The following FBXL14 variants were observed in gnomAD, a reference collection of about 807,000 sequenced individuals.
FBXL14 encodes F-box and leucine rich repeat protein 14.
In FBXL14, 11 loss-of-function variants were observed where a neutral mutation model predicts 24.5. The observed-to-expected ratio is 0.45, with a 90% CI of 0.28 to 0.74. The LOEUF (loss-of-function observed/expected upper bound fraction) is 0.74. Among genes scored for constraint, FBXL14 ranks in the 30% least tolerant of loss-of-function variants. The pLI is 0.12. For synonymous variants in FBXL14, 294 were observed against 240.4 expected (o/e 1.22, Z -2.06); for missense variants, 384 against 545.6 (o/e 0.70, Z 2.95).
At chr12:1,590,895 C>T (rs2094488110) in intron 1 of FBXL14, among the ~76,000 whole-genome samples, 1 of 152,150 alleles carries the variant, frequency 6.6e-6, no homozygotes, top group Admixed American at 6.6e-5. Flanking sequence ...ACAATGGCTT[C>T]AGTCCTTCCA....
At chr12:1,578,793 G>T (rs140767759) in intron 1 of FBXL14, among the ~76,000 whole-genome samples, 3 of 152,084 alleles carry the variant, frequency 2.0e-5, no homozygotes, top group Non-Finnish European at 4.4e-5. Flanking sequence ...CATGAGGGGC[G>T]GCTTCGGAGC....
chr12:1,570,472 C>A (rs949322223), intron 1 of FBXL14, among the ~76,000 whole-genome samples: 11 of 152,108 alleles, frequency 7.2e-5, no homozygotes, highest in African/African-American at 2.7e-4. Context: ...AAGGTGGGGT[C>A]TCGTGCCTGA....
At position 1,594,031 on chromosome 12, in the gene FBXL14, C is replaced by T. The variant is rs750926425; in HGVS notation, c.36G>A (p.Leu12=). ...ETHISCLFPE[L]LAMIFGYLDV... ...CCAGGTAGCCGAAGATCATGGCCAG[C>T]AGCTCCGGGAACAGGCATGAGATGT... The change falls in exon 1 of 2, where the codon CTG becomes CTA. Residue 12 remains leucine (L), a synonymous_variant. Coordinates refer to ENST00000339235, the MANE Select transcript of FBXL14 (RefSeq NM_152441.3). The T allele has an allele frequency of 7.1e-6, 11 of 1,560,016 alleles. No individual in the cohort carries two copies. In the Middle Eastern group the frequency reaches 5.1e-4, roughly 72 times the overall value.
chr12:1,589,911 T>C (rs2094485709), intron 1 of FBXL14, among the ~76,000 whole-genome samples: 1 of 152,244 alleles, frequency 6.6e-6, no homozygotes, highest in South Asian at 2.1e-4. Context: ...AAGAACGTGC[T>C]TCACGTTACA....
chr12:1,571,262 G>T (rs1289475783), intron 1 of FBXL14, among the ~76,000 whole-genome samples: 1 of 152,040 alleles, frequency 6.6e-6, no homozygotes, highest in Non-Finnish European at 1.5e-5. Context: ...AGGCTGGAGT[G>T]CAATGGCATG....
intron 1 of FBXL14, among the ~76,000 whole-genome samples, chr12:1,588,703 A>G (rs2094481891): frequency 2.6e-5 from 4 of 152,150 alleles, no homozygotes; most frequent in Admixed American, 2.0e-4. Flanking sequence ...TTACTTCTAG[A>G]TGATAAGGTT....
At chr12:1,578,681 G>T (rs185683905) in intron 1 of FBXL14, among the ~76,000 whole-genome samples, 1 of 152,056 alleles carries the variant, frequency 6.6e-6, no homozygotes. Flanking sequence ...AACATGGTAT[G>T]TTAAAAGCGC....
Position 1,569,547 on chromosome 12 carries a change from C to T in FBXL14, c.1195-2737G>A, listed in dbSNP as rs1452220817. Among the ~76,000 whole-genome samples the T allele has an allele frequency of 6.6e-6, 1 of 152,086 alleles. No homozygotes were observed. Among genetic ancestry groups the T allele is most frequent in the Non-Finnish European group, 1.5e-5 (1 of 67,992 alleles). On this transcript the variant is annotated intron_variant, in intron 1 of 1. Transcript: ENST00000339235. The surrounding 1 kb of genome is among the most constrained non-coding windows in gnomAD (Gnocchi z 4.2). ...TCCTGAGTAGCTGGGATTACAGGCG[C>T]CCGCCACCACGCCCGGCTAATTTTT...
intron 1 of FBXL14, among the ~76,000 whole-genome samples, chr12:1,573,377 C>G (rs377183811): frequency 1.3e-5 from 2 of 152,216 alleles, no homozygotes; most frequent in South Asian, 4.1e-4. Context: ...GAACTAAGGT[C>G]TGTTCTTTGC....
In FBXL14 at chr12:1,579,997, A is replaced by C. The variant is rs184046757; in HGVS notation, c.1194+12876T>G. Among the ~76,000 whole-genome samples the C allele has an allele frequency of 1.3e-5, 2 of 152,374 alleles. No individual in the cohort carries two copies. Among genetic ancestry groups the C allele is most frequent in the Non-Finnish European group, 2.9e-5 (2 of 68,032 alleles). ...ACAGGGAAGACAAACCAGCTTCCAT[A>C]GTGTACATTCTTAAAGGAAGGTTCC... On this transcript the variant is annotated intron_variant, in intron 1 of 1. Transcript: ENST00000339235. This position sits in a 1 kb window ranked among gnomAD's most constrained non-coding sequence, Gnocchi z 4.3.
chr12:1,572,888 A>G (rs2094447840), intron 1 of FBXL14, among the ~76,000 whole-genome samples: 2 of 152,198 alleles, frequency 1.3e-5, no homozygotes, highest in African/African-American at 4.8e-5. Flanking sequence ...GTCAGAATCC[A>G]GAAGGCGGAA....
rs977426151 is a variant in FBXL14 at position 1,566,089 on chromosome 12, G to A, written c.*659C>T. 5 of 152,614 alleles carry A rather than the reference G, an allele frequency of 3.3e-5. No homozygotes were observed. Among genetic ancestry groups the A allele is most frequent in the African/African-American group, 1.2e-4 (5 of 41,444 alleles). The allele number at this position is 152,614 out of a possible 1,614,324, so 9.5% of individuals were successfully genotyped here. The stretch of plus-strand genomic sequence containing the variant: ...AAATGCATCTGTGGAATGTAGAGTG[G>A]ATTTCTTTCACATATGGGCACTCAG... On this transcript the variant is annotated 3_prime_UTR_variant, in exon 2 of 2. Transcript: ENST00000339235.
chr12:1,566,289 T>C lies in FBXL14; in HGVS notation c.*459A>G, dbSNP rs1166466371. ...TTCCTTGTGTGTCCAGCTATCACTA[T>C]GTAATGATATTTTACGTTCTCAGTA... On this transcript the variant is annotated 3_prime_UTR_variant, in exon 2 of 2. Transcript: ENST00000339235. The C allele has an allele frequency of 6.6e-6, 1 of 152,542 alleles. No individual in the cohort carries two copies. The highest frequency in any genetic ancestry group is 1.5e-5 in the Non-Finnish European group (1 of 68,162). 9.4% of individuals were successfully genotyped at this position (152,542 alleles called of 1,614,324 possible).
At chr12:1,572,086 G>A (rs1264758630) in intron 1 of FBXL14, among the ~76,000 whole-genome samples, 2 of 152,214 alleles carry the variant, frequency 1.3e-5, no homozygotes, top group Non-Finnish European at 1.5e-5. Flanking sequence ...AAGAGAAGTG[G>A]CAGTCACGTT....
At chr12:1,586,635 C>T (rs2094477211) in intron 1 of FBXL14, among the ~76,000 whole-genome samples, 1 of 152,242 alleles carries the variant, frequency 6.6e-6, no homozygotes, top group Non-Finnish European at 1.5e-5. Flanking sequence ...AGGTTCTCCT[C>T]TAATTACCTA....
rs767523165 is a variant in FBXL14 at position 1,593,135 on chromosome 12, G to A, written c.932C>T (p.Ser311Phe). 1.2e-6 allele frequency: 2 copies of A among 1,613,742 alleles called. No individual in the cohort carries two copies. The highest frequency in any genetic ancestry group is 1.1e-5 in the South Asian group (1 of 91,088). Residue 311 changes from serine (S) to phenylalanine (F), a missense_variant, in exon 1 of 2, where the codon TCC becomes TTC. Ser to Phe is a radical substitution (Grantham distance 155, BLOSUM62 -2). Coordinates refer to ENST00000339235, the MANE Select transcript of FBXL14 (RefSeq NM_152441.3). This position sits in a 1 kb window ranked among gnomAD's most constrained non-coding sequence, Gnocchi z 7.4. ...ATCACTGATGTGGCAGGAGCAGAGG[G>A]AGAGAGACTTGAGGCCATCCAGCCC... ...AQGLDGLKSL[S>F]LCSCHISDDG...
intron 1 of FBXL14, among the ~76,000 whole-genome samples, chr12:1,584,245 G>A (rs1441052614): frequency 1.3e-5 from 2 of 152,144 alleles, no homozygotes. Context: ...CAGCTACTCG[G>A]GAGGCTGAGG....
At chr12:1,571,225 G>A (rs1592455836) in intron 1 of FBXL14, among the ~76,000 whole-genome samples, 1 of 150,874 alleles carries the variant, frequency 6.6e-6, no homozygotes, top group East Asian at 2.0e-4. Context: ...TTGTTTTTTT[G>A]AGACAGAGTT....
At chr12:1,580,786 AG>A (rs1397148809) in intron 1 of FBXL14, among the ~76,000 whole-genome samples, 1 of 152,132 alleles carries the variant, frequency 6.6e-6, no homozygotes, top group Non-Finnish European at 1.5e-5. Context: ...GCTGCAAGTG[AG>A]GGGGCAGATT....
Sources: gnomAD v4.1 joint callset for allele counts (sites outside exome capture counted in the v4.1 genomes callset) on GRCh38, gnomAD v4.1.1 for gene constraint, Gnocchi (gnomAD v3.1) non-coding constraint, MANE v1.5 for transcripts, NCBI Gene and HGNC (gene_info 2026-07-23, HGNC 2026-07-21) for gene names.